Variants in ANKRD30A observed in about 807,000 individuals in gnomAD.
ANKRD30A encodes the protein ankyrin repeat domain 30A.
Under a neutral mutation model 166.3 loss-of-function variants are expected in ANKRD30A, and 170 were observed. That is an observed-to-expected ratio of 1.02 (90% CI 0.90 to 1.16). The LOEUF is 1.16. ANKRD30A is among the 50% of genes most tolerant of loss of function. ANKRD30A has a pLI of 0.00. For synonymous variants in ANKRD30A, 564 were observed against 508.9 expected (o/e 1.11, Z -1.46); for missense variants, 1,630 against 1,518.0 (o/e 1.07, Z -1.23).
chr10:37,149,763 C>T lies in ANKRD30A; in HGVS notation c.1573-14C>T, dbSNP rs769407441. 6.2e-7 allele frequency: 1 copy of T among 1,612,914 alleles called. No individual in the cohort carries two copies. The highest frequency in any genetic ancestry group is 1.7e-5 in the Admixed American group (1 of 59,962). On this transcript the variant is annotated splice_polypyrimidine_tract_variant and intron_variant, in intron 10 of 35. Transcript: ENST00000361713. ...ACATTCTTTATTAATCATTTTGCTT[C>T]CAACCCCATTTAGCCTGCCATTGAA...
At chr10:37,196,301 G>A (rs532920279) in intron 27 of ANKRD30A, among the ~76,000 whole-genome samples, 2 of 151,956 alleles carry the variant, frequency 1.3e-5, no homozygotes, top group East Asian at 1.9e-4. Flanking sequence ...AGAATTGGGG[G>A]AACCACAGTG....
At chr10:37,214,791 T>C (rs1371331741) in intron 31 of ANKRD30A, among the ~76,000 whole-genome samples, 1 of 151,364 alleles carries the variant, frequency 6.6e-6, no homozygotes, top group Non-Finnish European at 1.5e-5. Flanking sequence ...TTTCATTTCT[T>C]CTCTTCCAGC....
At chr10:37,157,764 T>G (rs1403889502) in intron 13 of ANKRD30A, among the ~76,000 whole-genome samples, 1 of 152,162 alleles carries the variant, frequency 6.6e-6, no homozygotes, top group East Asian at 1.9e-4. Context: ...CCTATGAATG[T>G]GAAAATACTC....
intron 24 of ANKRD30A, among the ~76,000 whole-genome samples, chr10:37,178,323 G>A (rs571140669): frequency 7.5e-4 from 114 of 151,342 alleles, no homozygotes; most frequent in African/African-American, 2.7e-3. Context: ...AAGCATATCT[G>A]CACGGCCACA....
intron 34 of ANKRD30A, among the ~76,000 whole-genome samples, chr10:37,229,842 A>G (rs1843335540): frequency 6.6e-6 from 1 of 151,838 alleles, no homozygotes; most frequent in Non-Finnish European, 1.5e-5. Flanking sequence ...ATATGTATGT[A>G]TGGGTTACAT....
chr10:37,250,971 C>A, the ANKRD30A span, among the ~76,000 whole-genome samples: 7 of 152,162 alleles, frequency 4.6e-5, no homozygotes, highest in African/African-American at 1.7e-4. Context: ...AGGTGGACAG[C>A]CACCCCAGTC....
downstream of ANKRD30A, among the ~76,000 whole-genome samples, chr10:37,233,954 G>C (rs1221786706): frequency 6.6e-6 from 1 of 152,076 alleles, no homozygotes; most frequent in Non-Finnish European, 1.5e-5. Context: ...CATTGATACT[G>C]AATTTATCTT....
intron 31 of ANKRD30A, 72 bp downstream of exon 31, chr10:37,201,397 C>G (rs2132693846): frequency 8.4e-7 from 1 of 1,185,246 alleles, no homozygotes; most frequent in Non-Finnish European, 1.2e-6. Context: ...AGGATATGCT[C>G]TAATAGCTGA....
intron 31 of ANKRD30A, among the ~76,000 whole-genome samples, chr10:37,203,430 C>T (rs1841783618): frequency 6.6e-6 from 1 of 152,166 alleles, no homozygotes; most frequent in Admixed American, 6.5e-5. Context: ...TGACAAAATT[C>T]AACAGCACTT....
the ANKRD30A span, among the ~76,000 whole-genome samples, chr10:37,256,118 A>C: frequency 6.6e-6 from 1 of 152,132 alleles, no homozygotes; most frequent in African/African-American, 2.4e-5. Context: ...CCCTCTAGAC[A>C]TTCACTTAAC....
chr10:37,207,802 C>T (rs1015884992), intron 31 of ANKRD30A, among the ~76,000 whole-genome samples: 4 of 151,692 alleles, frequency 2.6e-5, no homozygotes, highest in African/African-American at 9.7e-5. Flanking sequence ...AGTCTCATAC[C>T]TCTTTAAACT....
At chr10:37,146,432 TAA>T (rs1837519346) in intron 8 of ANKRD30A, among the ~76,000 whole-genome samples, 1 of 152,238 alleles carries the variant, frequency 6.6e-6, no homozygotes, top group African/African-American at 2.4e-5. Flanking sequence ...TTTCAGTGTT[TAA>T]TGCAGTATGT....
chr10:37,237,192 C>G (rs1390587586), downstream of ANKRD30A, among the ~76,000 whole-genome samples: 1 of 152,176 alleles, frequency 6.6e-6, no homozygotes. Context: ...CAGTCTCAGA[C>G]GGAAGACCTA....
At chr10:37,165,271 G>A in intron 18 of ANKRD30A, 116 bp downstream of exon 18, 2 of 1,021,328 alleles carry the variant, frequency 2.0e-6, no homozygotes, top group Non-Finnish European at 1.5e-6. Context: ...AATTATTTTT[G>A]ATGTTTTTCA....
Position 37,162,849 on chromosome 10 carries a change from G to T in ANKRD30A, c.2002+1G>T. ...AAAAATGAACAAACATTGAGAGCAG[G>T]TAAATTTTTCAATGTAACTATGGAA... On this transcript the variant is annotated splice_donor_variant, in intron 17 of 35. Transcript: ENST00000361713. LOFTEE classifies it high-confidence loss of function. The T allele has an allele frequency of 6.2e-7, 1 of 1,612,966 alleles. No individual in the cohort carries two copies. Among genetic ancestry groups the T allele is most frequent in the Non-Finnish European group, 8.5e-7 (1 of 1,179,450 alleles).
At chr10:37,178,968 A>G (rs1319871340) in intron 24 of ANKRD30A, among the ~76,000 whole-genome samples, 1 of 149,128 alleles carries the variant, frequency 6.7e-6, no homozygotes, top group Non-Finnish European at 1.5e-5. Context: ...GAATTGGACT[A>G]AACCTCAGTG....
the ANKRD30A span, among the ~76,000 whole-genome samples, chr10:37,250,872 A>G: frequency 1.2e-4 from 18 of 152,334 alleles, no homozygotes; most frequent in South Asian, 3.1e-3. Flanking sequence ...AGTAGATCAG[A>G]AAAACTAAGA....
chr10:37,258,017 T>C, the ANKRD30A span, among the ~76,000 whole-genome samples: 1 of 152,094 alleles, frequency 6.6e-6, no homozygotes, highest in African/African-American at 2.4e-5. Context: ...CTAATGCATG[T>C]GGGGCTTAAA....
At chr10:37,193,434 A>G (rs1383088175) in intron 27 of ANKRD30A, among the ~76,000 whole-genome samples, 176 bp downstream of exon 27, 1 of 152,072 alleles carries the variant, frequency 6.6e-6, no homozygotes, top group Non-Finnish European at 1.5e-5. Context: ...TAAGCCTAAG[A>G]TTTAGAGATT....
Sources: allele counts gnomAD v4.1 joint callset (sites outside exome capture counted in the v4.1 genomes callset), GRCh38; gene constraint gnomAD v4.1.1; transcripts MANE v1.5; gene names NCBI Gene and HGNC (gene_info 2026-07-23, HGNC 2026-07-21).